Variants in OR1J2 observed in about 807,000 individuals in gnomAD.
OR1J2 encodes the protein olfactory receptor family 1 subfamily J member 2.
For missense variants in OR1J2, 304 were observed against 246.1 expected, an observed-to-expected ratio of 1.24 and a Z score of -1.57; for synonymous variants, 142 against 99.7, an observed-to-expected ratio of 1.42 and a Z score of -2.52.
At chr9:122,538,278 C>T in the OR1J2 span, among the ~76,000 whole-genome samples, 5 of 152,142 alleles carry the variant, frequency 3.3e-5, no homozygotes, top group African/African-American at 1.2e-4. Flanking sequence ...CCTTTCTTCT[C>T]TCTCATCATC....
chr9:122,565,724 T>G, the OR1J2 span, among the ~76,000 whole-genome samples: 1,475 of 152,348 alleles, frequency 9.7e-3, 26 homozygotes, highest in African/African-American at 0.034. Context: ...CTCCCCACCT[T>G]CACCTTCTAG....
chr9:122,485,061 C>T, the OR1J2 span, among the ~76,000 whole-genome samples: 1 of 151,894 alleles, frequency 6.6e-6, no homozygotes, highest in East Asian at 1.9e-4. Flanking sequence ...GCAGAAGCCC[C>T]ACCATCACTT....
At chr9:122,540,724 G>A in the OR1J2 span, among the ~76,000 whole-genome samples, 9 of 152,114 alleles carry the variant, frequency 5.9e-5, no homozygotes, top group South Asian at 6.2e-4. Flanking sequence ...CCATTTTCAC[G>A]ATATTGATTC....
chr9:122,555,877 T>A, the OR1J2 span, among the ~76,000 whole-genome samples: 1 of 152,184 alleles, frequency 6.6e-6, no homozygotes, highest in Non-Finnish European at 1.5e-5. Context: ...CACTGACACA[T>A]CATCACCCAA....
chr9:122,484,150 C>G, the OR1J2 span, among the ~76,000 whole-genome samples: 27 of 152,070 alleles, frequency 1.8e-4, no homozygotes, highest in African/African-American at 6.5e-4. Flanking sequence ...ATAATTTTTA[C>G]TATTTTTGGG....
At chr9:122,457,717 A>G in the OR1J2 span, among the ~76,000 whole-genome samples, 2 of 152,274 alleles carry the variant, frequency 1.3e-5, no homozygotes, top group Non-Finnish European at 2.9e-5. Context: ...CTATGAGAAC[A>G]ATGCATTACC....
At chr9:122,519,754 C>T in the OR1J2 span, 6 of 1,614,144 alleles carry the variant, frequency 3.7e-6, no homozygotes, top group Admixed American at 8.3e-5. Flanking sequence ...GTGGGACAGG[C>T]AGTCATTACT....
the OR1J2 span, among the ~76,000 whole-genome samples, chr9:122,504,989 T>C: frequency 6.6e-6 from 1 of 152,074 alleles, no homozygotes; most frequent in Non-Finnish European, 1.5e-5. Context: ...TGGCCAATAT[T>C]CTTTTAACCG....
At chr9:122,465,175 C>T in the OR1J2 span, among the ~76,000 whole-genome samples, 1 of 152,102 alleles carries the variant, frequency 6.6e-6, no homozygotes, top group African/African-American at 2.4e-5. Flanking sequence ...CAAATTACCA[C>T]TAGGGGGCCT....
chr9:122,473,880 C>A, the OR1J2 span, among the ~76,000 whole-genome samples: 2 of 152,168 alleles, frequency 1.3e-5, no homozygotes, highest in Admixed American at 1.3e-4. Context: ...TGCAAGTATA[C>A]AATAGCATTC....
At chr9:122,555,757 T>G in the OR1J2 span, among the ~76,000 whole-genome samples, 1 of 152,184 alleles carries the variant, frequency 6.6e-6, no homozygotes, top group South Asian at 2.1e-4. Flanking sequence ...GTTTTTGGTT[T>G]ATAGAAAAAT....
At chr9:122,526,146 A>G in the OR1J2 span, among the ~76,000 whole-genome samples, 89,644 of 152,018 alleles carry the variant, frequency 0.59, 28,243 homozygotes, top group East Asian at 0.87. Context: ...TACTATACTG[A>G]ATGCATTTCA....
the OR1J2 span, among the ~76,000 whole-genome samples, chr9:122,463,299 C>G: frequency 6.6e-6 from 1 of 152,158 alleles, no homozygotes; most frequent in African/African-American, 2.4e-5. Flanking sequence ...TTTATGCTAT[C>G]TATTTCACTA....
At chr9:122,484,315 C>T in the OR1J2 span, among the ~76,000 whole-genome samples, 27 of 152,148 alleles carry the variant, frequency 1.8e-4, no homozygotes, top group African/African-American at 6.5e-4. Flanking sequence ...GCACGCACCA[C>T]CATGCCGAGC....
At chr9:122,478,894 C>A in the OR1J2 span, among the ~76,000 whole-genome samples, 1 of 151,836 alleles carries the variant, frequency 6.6e-6, no homozygotes, top group Non-Finnish European at 1.5e-5. Context: ...ATTCTTCCAG[C>A]TAATTTTTTA....
chr9:122,475,539 A>G, the OR1J2 span, among the ~76,000 whole-genome samples: 1 of 152,200 alleles, frequency 6.6e-6, no homozygotes, highest in African/African-American at 2.4e-5. Flanking sequence ...AGAAAACTTT[A>G]CAAGACACTC....
the OR1J2 span, among the ~76,000 whole-genome samples, chr9:122,471,801 A>T: frequency 1.3e-5 from 2 of 152,150 alleles, no homozygotes; most frequent in Non-Finnish European, 2.9e-5. Flanking sequence ...CTAAAGAAGC[A>T]CAGAATTGGG....
the OR1J2 span, chr9:122,447,600 A>C: frequency 1.3e-5 from 2 of 151,834 alleles, no homozygotes; most frequent in Admixed American, 1.3e-4. Context: ...ACTTTCTGTT[A>C]ATCTATACTT....
At chr9:122,460,803 A>G in the OR1J2 span, among the ~76,000 whole-genome samples, 9 of 152,042 alleles carry the variant, frequency 5.9e-5, no homozygotes, top group South Asian at 1.9e-3. Context: ...TGTAGTTTTC[A>G]TTGTAGAGGT....
Sources: gnomAD v4.1 joint callset for allele counts (sites outside exome capture counted in the v4.1 genomes callset) on GRCh38, gnomAD v4.1.1 for gene constraint, MANE v1.5 for transcripts, NCBI Gene and HGNC (gene_info 2026-07-23, HGNC 2026-07-21) for gene names.